The following IQCH variants were observed in gnomAD, a reference collection of about 807,000 sequenced individuals.
The protein encoded by IQCH is IQ domain-containing protein H.
Under a neutral mutation model 117.0 loss-of-function variants are expected in IQCH, and 98 were observed. The observed-to-expected ratio is 0.84, with a 90% CI of 0.71 to 0.99. IQCH has a LOEUF of 0.99. Among genes scored for constraint, IQCH ranks in the 50% least tolerant of loss-of-function variants. The pLI is 0.00. For missense variants in IQCH, 1,102 were observed against 1,243.8 expected, an observed-to-expected ratio of 0.89 and a Z score of 1.72; for synonymous variants, 412 against 448.2, an observed-to-expected ratio of 0.92 and a Z score of 1.02.
At chr15:67,256,126 T>C (rs569544593) in intron 1 of IQCH, among the ~76,000 whole-genome samples, 122 of 152,254 alleles carry the variant, frequency 8.0e-4, no homozygotes, top group South Asian at 5.4e-3. Context: ...AGTGCTGTGC[T>C]CACATCTCCA....
At chr15:67,341,904 ATTC>A (rs1567111222) in intron 5 of IQCH, among the ~76,000 whole-genome samples, 1 of 152,232 alleles carries the variant, frequency 6.6e-6, no homozygotes, top group Non-Finnish European at 1.5e-5. Flanking sequence ...AATTAGTGAC[ATTC>A]TTATCAGATT....
At position 67,489,988 on chromosome 15, in the gene IQCH, A is replaced by G. The variant is rs1308923751; in HGVS notation, c.2800-15A>G. The G allele has an allele frequency of 1.9e-6, 3 of 1,568,052 alleles. No homozygotes were observed. In the African/African-American group the frequency reaches 4.1e-5, roughly 21 times the overall value. The stretch of plus-strand genomic sequence containing the variant: ...ATAATATACTATTTCTTTTCTCCCC[A>G]TTCAAATTTTACAGGAAAGGCAAGG... On this transcript the variant is annotated splice_polypyrimidine_tract_variant and intron_variant, in intron 18 of 20. Transcript: ENST00000335894.
At chr15:67,277,658 T>C (rs749188338) in intron 3 of IQCH, among the ~76,000 whole-genome samples, 2 of 151,800 alleles carry the variant, frequency 1.3e-5, no homozygotes, top group Non-Finnish European at 2.9e-5. Context: ...TTCAGCCTCC[T>C]GAGTAGCTGG....
intron 4 of IQCH, among the ~76,000 whole-genome samples, chr15:67,313,858 G>T (rs537345850): frequency 1.3e-5 from 2 of 152,262 alleles, no homozygotes; most frequent in South Asian, 4.2e-4. Flanking sequence ...ATCCCTTGAT[G>T]TCCTCATTAG....
intron 4 of IQCH, among the ~76,000 whole-genome samples, chr15:67,296,891 CCACACT>C (rs1261349231): frequency 2.0e-5 from 3 of 152,180 alleles, no homozygotes; most frequent in African/African-American, 7.2e-5. Flanking sequence ...TTGACTGTGA[CCACACT>C]CACCTGTTCT....
At chr15:67,295,503 A>T (rs1456388542) in intron 4 of IQCH, among the ~76,000 whole-genome samples, 1 of 151,800 alleles carries the variant, frequency 6.6e-6, no homozygotes, top group Non-Finnish European at 1.5e-5. Flanking sequence ...TGATGCTGGA[A>T]CTCTATCTAG....
At chr15:67,272,480 G>A (rs2045421458) in intron 3 of IQCH, among the ~76,000 whole-genome samples, 1 of 152,168 alleles carries the variant, frequency 6.6e-6, no homozygotes, top group Non-Finnish European at 1.5e-5. Context: ...AGTTATTGCT[G>A]ATTTTCTGAC....
rs1046344916 is a variant in IQCH, at chr15:67,443,674, C to T, written c.2506-21453C>T. ...TTTTTTCTCTGCTGATATACAACTTCGCTTCCTTTGAAACATATTTCAAAG... is the reference window on the plus strand; with the variant it reads ...TTTTTTCTCTGCTGATATACAACTTTGCTTCCTTTGAAACATATTTCAAAG... On this transcript the variant is annotated intron_variant, in intron 16 of 20. Coordinates refer to ENST00000335894, the MANE Select transcript of IQCH (RefSeq NM_001031715.3). The surrounding 1 kb of genome is among the most constrained non-coding windows in gnomAD (Gnocchi z 5.0). 2.5e-4 allele frequency among the ~76,000 whole-genome samples: 38 copies of T among 152,208 alleles called. No homozygotes were observed. Among genetic ancestry groups the T allele is most frequent in the Non-Finnish European group, 3.8e-4 (26 of 68,050 alleles).
chr15:67,336,875 C>T, intron 4 of IQCH, 100 bp from the exon 5 acceptor site: 1 of 1,179,478 alleles, frequency 8.5e-7, no homozygotes. Context: ...TTTATTAAAA[C>T]TTAATGCAAC....
In IQCH at chr15:67,474,705, C is replaced by G. The variant is rs886722382; in HGVS notation, c.2677-991C>G. Reference sequence around the variant, plus strand: ...GCCACCTCAAGGAGGTGGTCCATGCCCAGTGACTTGCTGCCAAAGGTTAAA... The same window carrying G: ...GCCACCTCAAGGAGGTGGTCCATGCGCAGTGACTTGCTGCCAAAGGTTAAA... On this transcript the variant is annotated intron_variant, in intron 17 of 20. Coordinates refer to ENST00000335894, the MANE Select transcript of IQCH (RefSeq NM_001031715.3). This position sits in a 1 kb window ranked among gnomAD's most constrained non-coding sequence, Gnocchi z 4.1. Among the ~76,000 whole-genome samples, 1 of 152,098 alleles carries G rather than the reference C, an allele frequency of 6.6e-6. No homozygotes were observed. Among genetic ancestry groups the G allele is most frequent in the African/African-American group, 2.4e-5 (1 of 41,400 alleles).
Position 67,287,611 on chromosome 15 carries a change from T to C in IQCH, c.387+8099T>C, listed in dbSNP as rs528247829. Reference sequence around the variant, plus strand: ...TTTTGAATTTCTGCATTGTATTATCTCCTTTGTCATCTCTGATTTTATTTA... The same window carrying C: ...TTTTGAATTTCTGCATTGTATTATCCCCTTTGTCATCTCTGATTTTATTTA... On this transcript the variant is annotated intron_variant, in intron 4 of 20. Coordinates refer to ENST00000335894, the MANE Select transcript of IQCH (RefSeq NM_001031715.3). Among the ~76,000 whole-genome samples, 7 of 151,608 alleles carry C rather than the reference T, an allele frequency of 4.6e-5. No homozygotes were observed. The South Asian group carries it at 1.4e-3, about 31-fold the overall frequency.
chr15:67,324,382 C>T (rs1238265914), intron 4 of IQCH, among the ~76,000 whole-genome samples: 2 of 151,264 alleles, frequency 1.3e-5, no homozygotes, highest in African/African-American at 2.4e-5. Flanking sequence ...GAGGCCAAGG[C>T]GGGCGATCAT....
rs548971883 is a variant in IQCH, at chr15:67,453,958, G to A, written c.2506-11169G>A. ...GCACCCCTCCCCCAGCCTCGCTGCC[G>A]CCTTGCAGTTCGATCTGGGACTGCT... On this transcript the variant is annotated intron_variant, in intron 16 of 20. Coordinates refer to ENST00000335894, the MANE Select transcript of IQCH (RefSeq NM_001031715.3). This position sits in a 1 kb window ranked among gnomAD's most constrained non-coding sequence, Gnocchi z 5.8. 1.1e-4 allele frequency among the ~76,000 whole-genome samples: 17 copies of A among 152,312 alleles called. No homozygotes were observed. Among genetic ancestry groups the A allele is most frequent in the South Asian group, 8.3e-4 (4 of 4,824 alleles).
intron 4 of IQCH, among the ~76,000 whole-genome samples, chr15:67,288,569 C>CT (rs1477555266): frequency 5.3e-5 from 8 of 151,966 alleles, no homozygotes; most frequent in Non-Finnish European, 7.4e-5. Context: ...TACTCCTGCT[C>CT]TTTTTTGGTT....
At position 67,459,614 on chromosome 15, in the gene IQCH, G is replaced by A. The variant is rs994640010; in HGVS notation, c.2506-5513G>A. ...TTGCTACATTGTCATCTCAAAGCTT[G>A]CGGTCCAGATCCTTGGACCAGAACA... On this transcript the variant is annotated intron_variant, in intron 16 of 20. Transcript: ENST00000335894. The surrounding 1 kb of genome is among the most constrained non-coding windows in gnomAD (Gnocchi z 4.2). 27 of 152,270 alleles carry A rather than the reference G, an allele frequency of 1.8e-4. No individual in the cohort carries two copies. The East Asian group carries it at 4.8e-3, about 27-fold the overall frequency. The allele number at this position is 152,270 out of a possible 1,614,324, so 9.4% of individuals were successfully genotyped here. A position where few individuals can be genotyped will look rare whatever the true frequency, so the allele number is the denominator to read the frequency against.
chr15:67,282,559 CG>C (rs746557713), intron 4 of IQCH, among the ~76,000 whole-genome samples: 4 of 152,072 alleles, frequency 2.6e-5, no homozygotes, highest in Non-Finnish European at 5.9e-5. Flanking sequence ...ATATGTGTGA[CG>C]TCTGCTTAAA....
rs1971871379 is a variant in IQCH, at chr15:67,405,749, C to T, written c.2097+5444C>T. 1 of 152,250 alleles carries T rather than the reference C, an allele frequency of 6.6e-6. No homozygotes were observed. Among genetic ancestry groups the T allele is most frequent in the Non-Finnish European group, 1.5e-5 (1 of 68,056 alleles). The allele number at this position is 152,250 out of a possible 1,614,324, so 9.4% of individuals were successfully genotyped here. A position where few individuals can be genotyped will look rare whatever the true frequency, so the allele number is the denominator to read the frequency against. On this transcript the variant is annotated intron_variant, in intron 14 of 20. Transcript: ENST00000335894. This position sits in a 1 kb window ranked among gnomAD's most constrained non-coding sequence, Gnocchi z 4.8. ...TTGAAAGTCCTGGGAAGTGTTCTCC[C>T]TCAGGTCCTTGCCTTTGTGACTCAT...
chr15:67,286,236 C>T lies in IQCH; in HGVS notation c.387+6724C>T, dbSNP rs186380713. Among the ~76,000 whole-genome samples, 14 of 152,052 alleles carry T rather than the reference C, an allele frequency of 9.2e-5. No individual in the cohort carries two copies. The East Asian group carries it at 1.2e-3, about 13-fold the overall frequency. ...GTCTTGATTTCTTTTTCACATTGTT[C>T]GCTGTGGGCTTATAGAAATGCTACT... On this transcript the variant is annotated intron_variant, in intron 4 of 20. Coordinates refer to ENST00000335894, the MANE Select transcript of IQCH (RefSeq NM_001031715.3).
Position 67,395,567 on chromosome 15 carries a change from T to C in IQCH, c.1905+4T>C. ...TGATATTTATAGTCAGCAACAGGTA[T>C]GTGGGGTGGACAAGTGAAGCTCTGT... On this transcript the variant is annotated splice_donor_region_variant and intron_variant, in intron 13 of 20. Transcript: ENST00000335894. The surrounding 1 kb of genome is among the most constrained non-coding windows in gnomAD (Gnocchi z 4.0). 1 of 1,612,924 alleles carries C rather than the reference T, an allele frequency of 6.2e-7. No homozygotes were observed. Among genetic ancestry groups the C allele is most frequent in the Non-Finnish European group, 8.5e-7 (1 of 1,179,148 alleles).
Sources: allele counts gnomAD v4.1 joint callset (sites outside exome capture counted in the v4.1 genomes callset), GRCh38; gene constraint gnomAD v4.1.1; non-coding constraint Gnocchi (gnomAD v3.1); transcripts MANE v1.5; gene names NCBI Gene and HGNC (gene_info 2026-07-23, HGNC 2026-07-21).